SPECC1L: variants seen among roughly 807,000 people sequenced by gnomAD.
SPECC1L encodes cytospin-A.
A neutral mutation model predicts 116.8 loss-of-function variants in SPECC1L; 40 were observed. That is an observed-to-expected ratio of 0.34 (90% CI 0.27 to 0.45). SPECC1L has a LOEUF of 0.45. Among genes scored for constraint, SPECC1L ranks in the 20% least tolerant of loss-of-function variants. The pLI, the probability that SPECC1L is intolerant of heterozygous loss-of-function variation, is 1.00. For missense variants in SPECC1L, 1,110 were observed against 1,373.6 expected (o/e 0.81, Z 3.03); for synonymous variants, 504 against 500.6 (o/e 1.01, Z -0.09).
intron 2 of SPECC1L, among the ~76,000 whole-genome samples, chr22:24,282,997 C>T (rs1601490466): frequency 6.6e-6 from 1 of 151,886 alleles, no homozygotes; most frequent in Admixed American, 6.6e-5. Context: ...AGGCTGGTCT[C>T]GAACTCTTGA....
At chr22:24,338,963 G>A (rs1569426465) in intron 10 of SPECC1L, among the ~76,000 whole-genome samples, 1 of 152,202 alleles carries the variant, frequency 6.6e-6, no homozygotes, top group Non-Finnish European at 1.5e-5. Flanking sequence ...AGAATATGTG[G>A]TTGCCATGTC....
At chr22:24,348,042 G>A (rs746917702) in intron 11 of SPECC1L, among the ~76,000 whole-genome samples, 2 of 152,144 alleles carry the variant, frequency 1.3e-5, no homozygotes, top group African/African-American at 2.4e-5. Context: ...CGAGGTTGAG[G>A]CTCCTTCTCT....
chr22:24,394,348 A>G (rs909649340), intron 14 of SPECC1L, among the ~76,000 whole-genome samples: 1 of 152,184 alleles, frequency 6.6e-6, no homozygotes. Flanking sequence ...TTCACATGGT[A>G]GACATAAAGA....
Position 24,328,833 on chromosome 22 carries a change from G to A in SPECC1L, c.2147-13G>A, listed in dbSNP as rs369851120. 47 of 1,600,828 alleles carry A rather than the reference G, an allele frequency of 2.9e-5. No individual in the cohort carries two copies. The African/African-American group carries it at 6.0e-4, about 21-fold the overall frequency. ...TGTGAGAATAGATATTTAAACTTTG[G>A]TGATCTTTTCAGATACAGTTAAAAA... On this transcript the variant is annotated splice_polypyrimidine_tract_variant and intron_variant, in intron 6 of 16. Coordinates refer to ENST00000314328, the MANE Select transcript of SPECC1L (RefSeq NM_015330.6).
intron 2 of SPECC1L, among the ~76,000 whole-genome samples, chr22:24,278,977 C>T (rs2048889575): frequency 6.6e-6 from 1 of 152,118 alleles, no homozygotes; most frequent in South Asian, 2.1e-4. Context: ...TCCTCTTAAT[C>T]TAGTGATTAA....
chr22:24,393,782 TAGAC>T (rs2042315567), intron 14 of SPECC1L, among the ~76,000 whole-genome samples: 1 of 152,170 alleles, frequency 6.6e-6, no homozygotes, highest in Admixed American at 6.5e-5. Flanking sequence ...CACCACATGA[TAGAC>T]AAACCATCAC....
rs559153227 is a variant in SPECC1L at position 24,415,258 on chromosome 22, C to G, written c.*635C>G. On this transcript the variant is annotated 3_prime_UTR_variant, in exon 17 of 17. Transcript: ENST00000314328. Reference sequence around the variant, plus strand: ...TCTAGAGGGCGTGGTGCGGGCACGCCAGGGCTGGGGTGCTGCTGCTGCACT... The same window carrying G: ...TCTAGAGGGCGTGGTGCGGGCACGCGAGGGCTGGGGTGCTGCTGCTGCACT... The G allele has an allele frequency of 6.4e-6, 1 of 155,428 alleles. No individual in the cohort carries two copies. Among genetic ancestry groups the G allele is most frequent in the Admixed American group, 6.2e-5 (1 of 16,060 alleles). 9.6% of individuals were successfully genotyped at this position (155,428 alleles called of 1,614,324 possible).
At position 24,412,692 on chromosome 22, in the gene SPECC1L, C is replaced by T; in HGVS notation, c.3249C>T (p.Gly1083=). Reference sequence around the variant, plus strand: ...CTTTCCAGGCAGCTGAAAGTGTCGGCATCAAATCCACACTGGTGAGCCCTT... The same window carrying T: ...CTTTCCAGGCAGCTGAAAGTGTCGGTATCAAATCCACACTGGTGAGCCCTT... ...MLAFQAAESV[G]IKSTLDINEM... is the part of the protein sequence containing the mutation. Residue 1083 remains glycine (G), a synonymous_variant, in exon 16 of 17, where the codon GGC becomes GGT. Transcript: ENST00000314328. The T allele has an allele frequency of 6.2e-7, 1 of 1,614,140 alleles. No individual in the cohort carries two copies. The highest frequency in any genetic ancestry group is 8.5e-7 in the Non-Finnish European group (1 of 1,180,036).
chr22:24,386,963 C>G lies in SPECC1L; in HGVS notation c.3087+17643C>G, dbSNP rs572546656. On this transcript the variant is annotated intron_variant, in intron 14 of 16. Transcript: ENST00000314328. Reference sequence around the variant, plus strand: ...AAATTATAGCCAGGCTTTGCTATGTCTGCAGCAGATTAGACACAGAAAGCC... The same window carrying G: ...AAATTATAGCCAGGCTTTGCTATGTGTGCAGCAGATTAGACACAGAAAGCC... 3.8e-4 allele frequency among the ~76,000 whole-genome samples: 58 copies of G among 152,258 alleles called. 3 individuals carry two copies. The South Asian group carries it at 0.012, about 31-fold the overall frequency.
chr22:24,380,910 GT>G (rs1413664505), intron 14 of SPECC1L, among the ~76,000 whole-genome samples: 1 of 151,970 alleles, frequency 6.6e-6, no homozygotes, highest in Non-Finnish European at 1.5e-5. Flanking sequence ...ATACAATTAT[GT>G]TTTTAATTTA....
intron 1 of SPECC1L, among the ~76,000 whole-genome samples, chr22:24,276,482 A>G (rs549729822): frequency 6.6e-6 from 1 of 152,202 alleles, no homozygotes. Flanking sequence ...AGAAATAGCC[A>G]TTATGCTGGA....
chr22:24,349,243 G>T (rs1470903712), intron 11 of SPECC1L, among the ~76,000 whole-genome samples: 3 of 152,154 alleles, frequency 2.0e-5, no homozygotes, highest in Non-Finnish European at 4.4e-5. Flanking sequence ...GTTTTGCCAT[G>T]TTGGCCAGGC....
chr22:24,414,510 C>A (rs201899440), intron 16 of SPECC1L, 24 bp from the exon 17 acceptor site: 29 of 1,609,906 alleles, frequency 1.8e-5, no homozygotes, highest in Admixed American at 5.0e-5. Flanking sequence ...GCAGTTCTAA[C>A]CAAGCGTCTT....
intron 3 of SPECC1L, among the ~76,000 whole-genome samples, chr22:24,304,237 A>G (rs1026363091): frequency 1.3e-5 from 2 of 152,152 alleles, no homozygotes; most frequent in Admixed American, 1.3e-4. Context: ...CCATTCATTT[A>G]TGGACACCCA....
At position 24,334,490 on chromosome 22, in the gene SPECC1L, G is replaced by A. The variant is rs1159631293; in HGVS notation, c.2477G>A (p.Gly826Glu). ...TTGGCAGCCTTAAGGCAGGGAATGG[G>A]ACTGAGTAGAAGGTCCTCGACTTCC... ...RDLAALRQGM[G>E]LSRRSSTSSE... Residue 826 changes from glycine (G) to glutamate (E), a missense_variant, in exon 9 of 17, where the codon GGA (glycine) becomes GAA (glutamate). Physicochemically the swap from Gly to Glu is moderately conservative, Grantham distance 98. Around this residue, in one of 4 missense-constraint regions of SPECC1L, gnomAD observed 575 missense variants for 682.4 expected, o/e 0.84. Coordinates refer to ENST00000314328, the MANE Select transcript of SPECC1L (RefSeq NM_015330.6). 6.2e-7 allele frequency: 1 copy of A among 1,614,160 alleles called. No individual in the cohort carries two copies. The highest frequency in any genetic ancestry group is 1.3e-5 in the African/African-American group (1 of 75,044).
intron 4 of SPECC1L, among the ~76,000 whole-genome samples, chr22:24,315,674 CCT>C (rs1353870957): frequency 2.6e-5 from 4 of 152,242 alleles, no homozygotes; most frequent in African/African-American, 9.6e-5. Flanking sequence ...TCAGTTATCA[CCT>C]CTCTGGATTA....
At chr22:24,375,150 A>G (rs772135622) in intron 14 of SPECC1L, among the ~76,000 whole-genome samples, 27 of 152,198 alleles carry the variant, frequency 1.8e-4, no homozygotes, top group Non-Finnish European at 3.2e-4. Flanking sequence ...ATCTGGAGAG[A>G]CAAATAACAA....
At chr22:24,319,065 C>A (rs2040664657) in intron 4 of SPECC1L, among the ~76,000 whole-genome samples, 1 of 152,152 alleles carries the variant, frequency 6.6e-6, no homozygotes, top group Non-Finnish European at 1.5e-5. Context: ...AATGTGGGAC[C>A]TCTTTTACCT....
At chr22:24,360,697 A>G (rs1191532440) in intron 11 of SPECC1L, among the ~76,000 whole-genome samples, 1 of 152,152 alleles carries the variant, frequency 6.6e-6, no homozygotes, top group African/African-American at 2.4e-5. Flanking sequence ...TTGTCTTTTC[A>G]ACCTTCGTTT....
Sources: allele counts gnomAD v4.1 joint callset (sites outside exome capture counted in the v4.1 genomes callset), GRCh38; gene constraint gnomAD v4.1.1; regional missense constraint gnomAD v4.1.1; transcripts MANE v1.5; gene names NCBI Gene and HGNC (gene_info 2026-07-23, HGNC 2026-07-21).